CUL1: variants seen among roughly 807,000 people sequenced by gnomAD.
The protein encoded by CUL1 is cullin-1.
CUL1 carries 24 observed loss-of-function variants against 118.0 expected under a neutral mutation model. That is an observed-to-expected ratio of 0.20 (90% CI 0.15 to 0.29). The LOEUF (loss-of-function observed/expected upper bound fraction) is 0.29, where lower values mean the gene tolerates loss of function less well. Among genes scored for constraint, CUL1 ranks in the 10% least tolerant of loss-of-function variants. CUL1 has a pLI of 1.00. For synonymous variants in CUL1, 332 were observed against 340.4 expected (o/e 0.98, Z 0.27); for missense variants, 361 against 933.8 (o/e 0.39, Z 7.99).
At chr7:148,722,902 G>A (rs1427177232) in intron 1 of CUL1, among the ~76,000 whole-genome samples, 2 of 152,240 alleles carry the variant, frequency 1.3e-5, no homozygotes, top group Admixed American at 1.3e-4. Flanking sequence ...AGCCTGGTTG[G>A]CATCATGCCC....
intron 2 of CUL1, among the ~76,000 whole-genome samples, chr7:148,732,492 C>T (rs747540541): frequency 6.6e-6 from 1 of 151,800 alleles, no homozygotes; most frequent in African/African-American, 2.4e-5. Context: ...CAGGCACGCA[C>T]CATCATGCCC....
chr7:148,771,628 A>T (rs1800216161), intron 9 of CUL1, among the ~76,000 whole-genome samples: 1 of 152,132 alleles, frequency 6.6e-6, no homozygotes, highest in African/African-American at 2.4e-5. Context: ...TGCTCAACTG[A>T]TATGTGAGGC....
At chr7:148,751,657 A>T (rs969151249) in intron 2 of CUL1, among the ~76,000 whole-genome samples, 1 of 152,208 alleles carries the variant, frequency 6.6e-6, no homozygotes, top group Non-Finnish European at 1.5e-5. Flanking sequence ...ATACACAAAA[A>T]ATAGGTATCT....
intron 1 of CUL1, among the ~76,000 whole-genome samples, chr7:148,716,210 C>T (rs537193307): frequency 1.3e-5 from 2 of 152,028 alleles, no homozygotes; most frequent in Non-Finnish European, 2.9e-5. Context: ...CAAACATGTC[C>T]ATTCCTGAGA....
chr7:148,709,999 C>A (rs1472519760), intron 1 of CUL1, among the ~76,000 whole-genome samples: 3 of 151,940 alleles, frequency 2.0e-5, no homozygotes, highest in African/African-American at 4.8e-5. Flanking sequence ...GGGGGGATCG[C>A]TTGAGCCCTA....
At chr7:148,728,710 A>C (rs542433899) in intron 1 of CUL1, among the ~76,000 whole-genome samples, 1 of 152,374 alleles carries the variant, frequency 6.6e-6, no homozygotes, top group African/African-American at 2.4e-5. Flanking sequence ...TTGTAGATTC[A>C]TAAAATATTA....
chr7:148,728,155 G>T (rs1798646302), intron 1 of CUL1, among the ~76,000 whole-genome samples: 1 of 152,226 alleles, frequency 6.6e-6, no homozygotes, highest in Non-Finnish European at 1.5e-5. Context: ...GATGAGGGCT[G>T]TGGCATCAGA....
At chr7:148,711,056 C>T (rs551360863) in intron 1 of CUL1, among the ~76,000 whole-genome samples, 2 of 152,196 alleles carry the variant, frequency 1.3e-5, no homozygotes, top group Admixed American at 6.5e-5. Flanking sequence ...CCAAAAGAAC[C>T]CTGCTTCTTA....
chr7:148,780,231 T>A (rs1053173093), intron 9 of CUL1, among the ~76,000 whole-genome samples: 1 of 152,198 alleles, frequency 6.6e-6, no homozygotes, highest in Non-Finnish European at 1.5e-5. Context: ...AGTGGCCCAC[T>A]GGAGACTGGG....
At chr7:148,762,869 G>A (rs1464569289) in intron 7 of CUL1, among the ~76,000 whole-genome samples, 1 of 152,232 alleles carries the variant, frequency 6.6e-6, no homozygotes, top group Admixed American at 6.5e-5. Flanking sequence ...GGCCTAGGCC[G>A]GGCGCGGTGG....
intron 20 of CUL1, 120 bp from the exon 21 acceptor site, chr7:148,799,150 TGCCTG>T: frequency 1.5e-6 from 1 of 650,326 alleles, no homozygotes; most frequent in Non-Finnish European, 2.7e-6. Context: ...GGATGTTTGT[TGCCTG>T]TTAGGAAATT....
intron 15 of CUL1, 27 bp downstream of exon 15, chr7:148,789,853 A>T: frequency 6.2e-7 from 1 of 1,601,786 alleles, no homozygotes; most frequent in African/African-American, 1.3e-5. Flanking sequence ...CTGCCATCCC[A>T]TTAGTGCTAA....
At chr7:148,784,252 G>A (rs1205893152) in intron 11 of CUL1, among the ~76,000 whole-genome samples, 175 bp downstream of exon 11, 2 of 152,052 alleles carry the variant, frequency 1.3e-5, no homozygotes, top group Non-Finnish European at 2.9e-5. Flanking sequence ...CCCTCCCACT[G>A]GCTGTTTTTC....
At chr7:148,722,854 T>G (rs1273648345) in intron 1 of CUL1, among the ~76,000 whole-genome samples, 1 of 152,218 alleles carries the variant, frequency 6.6e-6, no homozygotes, top group Admixed American at 6.5e-5. Context: ...TTGAGAACCC[T>G]CTTCCCAGCC....
At chr7:148,746,569 G>A (rs1799315592) in intron 2 of CUL1, among the ~76,000 whole-genome samples, 1 of 152,158 alleles carries the variant, frequency 6.6e-6, no homozygotes, top group Non-Finnish European at 1.5e-5. Flanking sequence ...GGAGGACAAC[G>A]TTATGTGGAA....
At chr7:148,743,119 G>T (rs1470027427) in intron 2 of CUL1, among the ~76,000 whole-genome samples, 2 of 152,104 alleles carry the variant, frequency 1.3e-5, no homozygotes, top group Non-Finnish European at 2.9e-5. Flanking sequence ...ATTCCATTTT[G>T]ATCAGAGAAC....
At chr7:148,723,157 GC>G (rs1440470590) in intron 1 of CUL1, among the ~76,000 whole-genome samples, 1 of 152,154 alleles carries the variant, frequency 6.6e-6, no homozygotes, top group Non-Finnish European at 1.5e-5. Context: ...TGGCTTCCAG[GC>G]TTGGGTTCCT....
intron 2 of CUL1, among the ~76,000 whole-genome samples, chr7:148,732,432 T>C (rs1012433613): frequency 2.7e-5 from 4 of 150,740 alleles, no homozygotes; most frequent in Non-Finnish European, 5.9e-5. Context: ...AACCTCTGTC[T>C]CCCAGGCTTA....
At chr7:148,778,692 T>A (rs1800508695) in intron 9 of CUL1, among the ~76,000 whole-genome samples, 2 of 152,352 alleles carry the variant, frequency 1.3e-5, no homozygotes, top group South Asian at 4.1e-4. Flanking sequence ...TGATCTGTTC[T>A]TGTTGACTGC....
Sources: gnomAD v4.1 joint callset for allele counts (sites outside exome capture counted in the v4.1 genomes callset) on GRCh38, gnomAD v4.1.1 for gene constraint, MANE v1.5 for transcripts, NCBI Gene and HGNC (gene_info 2026-07-23, HGNC 2026-07-21) for gene names.